The following NAV2 variants were observed in gnomAD, a reference collection of about 807,000 sequenced individuals.
NAV2 encodes the protein helicase, APC down-regulated 1.
In NAV2, 54 loss-of-function variants were observed where a neutral mutation model predicts 223.2. The observed-to-expected ratio is 0.24, with a 90% CI of 0.19 to 0.30. The LOEUF is 0.30. Ranked by LOEUF, NAV2 falls within the 10% of genes least tolerant of loss-of-function variation. NAV2 has a pLI of 1.00. For synonymous variants in NAV2, 1,279 were observed against 1,239.3 expected (o/e 1.03, Z -0.67); for missense variants, 2,806 against 3,147.5 (o/e 0.89, Z 2.60).
intron 1 of NAV2, among the ~76,000 whole-genome samples, chr11:19,627,179 G>A (rs139006272): frequency 6.6e-6 from 1 of 152,288 alleles, no homozygotes; most frequent in East Asian, 1.9e-4. Context: ...CCTGAGGTCA[G>A]GAGTTCGAGA....
intron 1 of NAV2, among the ~76,000 whole-genome samples, chr11:19,490,140 G>C (rs1363045218): frequency 6.6e-6 from 1 of 152,150 alleles, no homozygotes; most frequent in Non-Finnish European, 1.5e-5. Context: ...ATGACCATCT[G>C]AGCCTTCAGT....
chr11:19,733,126 C>T (rs1376210458), intron 1 of NAV2, among the ~76,000 whole-genome samples: 1 of 152,196 alleles, frequency 6.6e-6, no homozygotes, highest in African/African-American at 2.4e-5. Context: ...TTAAACTGCT[C>T]CATTAGGCGA....
chr11:19,572,455 A>G (rs12789188), intron 1 of NAV2, among the ~76,000 whole-genome samples: 78,602 of 152,114 alleles, frequency 0.52, 23,284 homozygotes, highest in Non-Finnish European at 0.68. Context: ...TTCGGCTTCA[A>G]TATTTTATAT....
intron 19 of NAV2, among the ~76,000 whole-genome samples, chr11:20,059,690 G>A (rs2058587921): frequency 6.6e-6 from 1 of 152,188 alleles, no homozygotes; most frequent in Admixed American, 6.5e-5. Context: ...GAATTGCTGT[G>A]TGACCTTAAA....
At chr11:20,056,702 G>C in intron 19 of NAV2, 8 of 957,416 alleles carry the variant, frequency 8.4e-6, no homozygotes, top group Admixed American at 1.8e-5. Flanking sequence ...GGACATTGGC[G>C]GCAATGCTCA....
rs138374787 is a variant in NAV2 at position 20,077,590 on chromosome 11, C to T, written c.5022C>T (p.Asn1674=). ...LVAAFEQSLG[N]MTIRLQSLTM... Reference sequence around the variant, plus strand: ...CAGCCTTTGAACAGAGTCTTGGTAACATGACAATCAGGCTCCAGAGTCTGA... The same window carrying T: ...CAGCCTTTGAACAGAGTCTTGGTAATATGACAATCAGGCTCCAGAGTCTGA... The change falls in exon 23 of 38, where the codon AAC becomes AAT. Residue 1674 remains asparagine, a synonymous_variant. Transcript: ENST00000349880. 2.7e-4 allele frequency: 435 copies of T among 1,614,128 alleles called. 1 individual carries two copies. Among genetic ancestry groups the T allele is most frequent in the Admixed American group, 4.8e-4 (29 of 60,026 alleles).
rs775663042 is a variant in NAV2 at position 20,054,224 on chromosome 11, C to A, written c.4626C>A (p.Phe1542Leu). ...TGACTTCTCCCTCCGGAACAAGATT[C>A]AACTTTTCCCAGCTTGGTGAGTAGC... is the stretch of plus-strand genomic sequence containing the variant. The part of the protein sequence containing the change: ...SSVTSPSGTR[F>L]NFSQLASPTT... Residue 1542 changes from phenylalanine (F) to leucine (L), a missense_variant, in exon 18 of 38, where the codon TTC becomes TTA. By Grantham distance (22) the Phe-to-Leu change is conservative. Coordinates refer to ENST00000349880, the MANE Select transcript of NAV2 (RefSeq NM_145117.5). 1 of 1,610,310 alleles carries A rather than the reference C, an allele frequency of 6.2e-7. No individual in the cohort carries two copies. Among genetic ancestry groups the A allele is most frequent in the Non-Finnish European group, 8.5e-7 (1 of 1,179,176 alleles).
At chr11:19,733,191 G>A (rs2051973355) in intron 1 of NAV2, among the ~76,000 whole-genome samples, 1 of 152,198 alleles carries the variant, frequency 6.6e-6, no homozygotes, top group South Asian at 2.1e-4. Flanking sequence ...GAAGGTCAGG[G>A]AAGGGAGCTA....
At chr11:19,512,611 T>G (rs78283834) in intron 1 of NAV2, among the ~76,000 whole-genome samples, 1 of 152,216 alleles carries the variant, frequency 6.6e-6, no homozygotes, top group Non-Finnish European at 1.5e-5. Context: ...TTAACTAGAA[T>G]GGGGCAAAAT....
chr11:19,348,210 G>A (rs1853106147), upstream of NAV2, among the ~76,000 whole-genome samples: 1 of 152,214 alleles, frequency 6.6e-6, no homozygotes, highest in Non-Finnish European at 1.5e-5. Flanking sequence ...TCCAGCACAG[G>A]GGCCTGGCAC....
At chr11:19,939,903 C>G (rs906063066) in intron 8 of NAV2, 130 bp downstream of exon 8, 7 of 400,320 alleles carry the variant, frequency 1.7e-5, no homozygotes, top group Non-Finnish European at 2.4e-5. Context: ...GCTAAACAAA[C>G]TTTCTTTCTT....
rs778055012 is a variant in NAV2, at chr11:20,046,335, CAAAAA to C, written c.3902+677_3902+681del. ...TGGGCAACAGAGCGAGACTCCATCT[CAAAAA>C]AAAAAAAAAAAGAAGTTAGCTACCA... On this transcript the variant is annotated intron_variant, in intron 14 of 37. Transcript: ENST00000349880. Among the ~76,000 whole-genome samples, 4 of 94,980 alleles carry C rather than the reference CAAAAA, an allele frequency of 4.2e-5. No homozygotes were observed. The East Asian group carries it at 1.3e-3, about 30-fold the overall frequency. 62.3% of individuals were successfully genotyped at this position (94,980 alleles called of 152,430 possible).
chr11:19,971,403 G>C (rs1300772513), intron 10 of NAV2, among the ~76,000 whole-genome samples: 1 of 152,110 alleles, frequency 6.6e-6, no homozygotes, highest in Non-Finnish European at 1.5e-5. Context: ...CAAGGGGATG[G>C]AGAGATGGGT....
chr11:19,918,938 G>C (rs1381724773), intron 6 of NAV2, among the ~76,000 whole-genome samples: 1 of 152,032 alleles, frequency 6.6e-6, no homozygotes, highest in Admixed American at 6.6e-5. Flanking sequence ...TCATCCCCAA[G>C]ACCTGGAACC....
chr11:19,880,989 C>T (rs1180971646), intron 5 of NAV2, among the ~76,000 whole-genome samples: 1 of 152,184 alleles, frequency 6.6e-6, no homozygotes, highest in East Asian at 1.9e-4. Flanking sequence ...TGCTTGATTT[C>T]ATCCAATATG....
chr11:20,000,979 C>A (rs1223175108), intron 11 of NAV2, among the ~76,000 whole-genome samples: 1 of 152,162 alleles, frequency 6.6e-6, no homozygotes, highest in Non-Finnish European at 1.5e-5. Flanking sequence ...TCCTGTGTGC[C>A]ACCTGCCTGC....
chr11:19,815,805 G>T (rs1939748523), intron 1 of NAV2, among the ~76,000 whole-genome samples: 1 of 152,212 alleles, frequency 6.6e-6, no homozygotes, highest in Admixed American at 6.5e-5. Context: ...TCCCAGGATT[G>T]TGGTGAGGCT....
chr11:20,036,438 G>A (rs1009795475), intron 12 of NAV2, among the ~76,000 whole-genome samples: 4 of 152,226 alleles, frequency 2.6e-5, no homozygotes, highest in East Asian at 1.9e-4. Context: ...AGCCCAGAGT[G>A]TGTGTCTCTT....
chr11:19,414,029 A>C (rs1464205400), intron 1 of NAV2, among the ~76,000 whole-genome samples: 2 of 152,264 alleles, frequency 1.3e-5, no homozygotes, highest in Non-Finnish European at 2.9e-5. Flanking sequence ...CAAAATAACC[A>C]GCTAGCATCA....
Sources: allele counts gnomAD v4.1 joint callset (sites outside exome capture counted in the v4.1 genomes callset), GRCh38; gene constraint gnomAD v4.1.1; transcripts MANE v1.5; gene names NCBI Gene and HGNC (gene_info 2026-07-23, HGNC 2026-07-21).